MCF2: variants seen among roughly 807,000 people sequenced by gnomAD.
MCF2 encodes proto-oncogene DBL.
A neutral mutation model predicts 82.5 loss-of-function variants in MCF2; 44 were observed. That is an observed-to-expected ratio of 0.53 (90% CI 0.42 to 0.69). The LOEUF is 0.69. Among genes scored for constraint, MCF2 ranks in the 30% least tolerant of loss-of-function variants. The pLI, the probability that MCF2 is intolerant of heterozygous loss-of-function variation, is 0.00. For synonymous variants in MCF2, 217 were observed against 224.9 expected, an observed-to-expected ratio of 0.96 and a Z score of 0.32; for missense variants, 623 against 663.1, an observed-to-expected ratio of 0.94 and a Z score of 0.66.
intron 20 of MCF2, among the ~76,000 whole-genome samples, chrX:139,589,453 G>C (rs1296658525): frequency 9.0e-6 from 1 of 111,589 alleles, no homozygotes; most frequent in Non-Finnish European, 1.9e-5. Context: ...CAGAAAGCAA[G>C]TCTGAACTGT....
At chrX:139,582,365 A>G in exon 25 of MCF2, 5 of 867,251 alleles carry the variant, frequency 5.8e-6, no homozygotes, top group Non-Finnish European at 8.5e-6. Flanking sequence ...TAACCTGAAA[A>G]CAACATCTGC....
intron 1 of MCF2, among the ~76,000 whole-genome samples, chrX:139,661,456 T>A (rs1388678727): frequency 8.9e-6 from 1 of 111,754 alleles, no homozygotes; most frequent in Non-Finnish European, 1.9e-5. Flanking sequence ...AGCTACCAAC[T>A]TTTGATATAA....
chrX:139,618,808 C>G (rs1846655753), intron 7 of MCF2, among the ~76,000 whole-genome samples: 2 of 111,507 alleles, frequency 1.8e-5, no homozygotes, highest in African/African-American at 6.5e-5. Flanking sequence ...GTATTAAAGC[C>G]ACTAGTCCAA....
intron 1 of MCF2, among the ~76,000 whole-genome samples, chrX:139,676,887 C>G (rs1603306170): frequency 9.0e-6 from 1 of 111,705 alleles, no homozygotes; most frequent in African/African-American, 3.3e-5. Context: ...CACCTTCCCA[C>G]CAGGAATGTC....
At chrX:139,640,049 G>A (rs1015957852) in intron 1 of MCF2, among the ~76,000 whole-genome samples, 4 of 110,830 alleles carry the variant, frequency 3.6e-5, no homozygotes, top group African/African-American at 1.3e-4. Flanking sequence ...GCGGTAGTAC[G>A]GCCTATCTGG....
intron 4 of MCF2, among the ~76,000 whole-genome samples, chrX:139,627,498 C>T (rs1932789500): frequency 9.0e-6 from 1 of 111,400 alleles, no homozygotes; most frequent in African/African-American, 3.3e-5. Context: ...CAATATAGAC[C>T]TTTCTCAGAC....
At chrX:139,605,853 T>C (rs1603281723) in intron 12 of MCF2, 74 bp from the exon 17 acceptor site, 1 of 819,278 alleles carries the variant, frequency 1.2e-6, no homozygotes, top group East Asian at 3.4e-5. Context: ...AGTATTATCA[T>C]CATGAGAAGG....
At chrX:139,590,029 G>A in intron 19 of MCF2, 102 bp from the exon 24 acceptor site, 3 of 480,085 alleles carry the variant, frequency 6.2e-6, no homozygotes, top group South Asian at 3.9e-5. Flanking sequence ...ATTTCTCTTG[G>A]GCAGAAAAAT....
At chrX:139,687,491 G>A (rs893750613) in intron 1 of MCF2, among the ~76,000 whole-genome samples, 4 of 112,836 alleles carry the variant, frequency 3.5e-5, no homozygotes, top group African/African-American at 6.4e-5. Context: ...CTGCCCTAGA[G>A]TAGGTAAGGT....
intron 1 of MCF2, among the ~76,000 whole-genome samples, chrX:139,635,640 G>C (rs904544893): frequency 5.5e-5 from 6 of 109,349 alleles, no homozygotes; most frequent in Admixed American, 2.9e-4. Flanking sequence ...CTGGGCAACA[G>C]GGTGAGACTC....
At chrX:139,586,350 C>G (rs767380545) in intron 23 of MCF2, 28 bp downstream of exon 27, 26 of 1,090,989 alleles carry the variant, frequency 2.4e-5, no homozygotes, top group African/African-American at 2.4e-4. Context: ...ACCCATGAGT[C>G]TCGTCTTAAG....
At chrX:139,627,023 G>T (rs908584143) in intron 4 of MCF2, among the ~76,000 whole-genome samples, 4 of 112,148 alleles carry the variant, frequency 3.6e-5, no homozygotes. Flanking sequence ...GAAGTACCAT[G>T]TGCTCTATTT....
rs867538311 is a variant in MCF2, at chrX:139,650,745, C to T, written c.25+975G>A. ...TCTAAAAATGGGTAATGCTATTTAG[C>T]GGCATTATTCACAATAGCCAAACGG... On this transcript the variant is annotated intron_variant, in intron 2 of 27. Transcript: ENST00000414978. Among the ~76,000 whole-genome samples the T allele has an allele frequency of 8.0e-5, 9 of 111,953 alleles. No individual in the cohort carries two copies. The East Asian group carries it at 8.4e-4, about 10-fold the overall frequency.
intron 10 of MCF2, among the ~76,000 whole-genome samples, chrX:139,614,458 T>C (rs1931737045): frequency 9.0e-6 from 1 of 111,155 alleles, no homozygotes; most frequent in Admixed American, 9.6e-5. Context: ...CCCACATTTA[T>C]ACAAATAAAA....
At chrX:139,625,393 A>T (rs1221749252) in intron 6 of MCF2, among the ~76,000 whole-genome samples, 1 of 111,963 alleles carries the variant, frequency 8.9e-6, no homozygotes, top group East Asian at 2.8e-4. Flanking sequence ...TTCATGCAGA[A>T]CATTTCAAAA....
intron 1 of MCF2, among the ~76,000 whole-genome samples, chrX:139,652,406 T>C (rs999227820): frequency 1.8e-5 from 2 of 111,465 alleles, no homozygotes; most frequent in Non-Finnish European, 3.8e-5. Flanking sequence ...TAATGATATC[T>C]ACCTCACAAG....
chrX:139,685,591 G>A (rs1270358118), intron 1 of MCF2, among the ~76,000 whole-genome samples: 2 of 110,827 alleles, frequency 1.8e-5, no homozygotes, highest in Non-Finnish European at 3.8e-5. Context: ...TTGCTCACTC[G>A]GGGAGCTCGG....
At chrX:139,642,918 C>A (rs1603298586), upstream of MCF2, 6 of 661,767 alleles carry the variant, frequency 9.1e-6, no homozygotes, top group Admixed American at 7.0e-5. Context: ...TTCTCCTCTG[C>A]GCAGTTTGAT....
chrX:139,626,566 T>C (rs1483612400), intron 5 of MCF2, 57 bp downstream of exon 8: 3 of 1,094,493 alleles, frequency 2.7e-6, no homozygotes, highest in Non-Finnish European at 3.7e-6. Flanking sequence ...CAAAAATGTA[T>C]AATTTCCTTT....
Sources: gnomAD v4.1 joint callset for allele counts (sites outside exome capture counted in the v4.1 genomes callset) on GRCh38, gnomAD v4.1.1 for gene constraint, MANE v1.5 for transcripts, NCBI Gene and HGNC (gene_info 2026-07-23, HGNC 2026-07-21) for gene names.